STK32C: variants seen among roughly 807,000 people sequenced by gnomAD.
STK32C encodes serine/threonine-protein kinase 32C.
STK32C carries 31 observed loss-of-function variants against 56.5 expected under a neutral mutation model. The observed-to-expected ratio is 0.55, with a 90% confidence interval of 0.41 to 0.74. The LOEUF is 0.74. Among genes scored for constraint, STK32C ranks in the 30% least tolerant of loss-of-function variants. STK32C has a pLI of 0.00. For synonymous variants in STK32C, 309 were observed against 289.4 expected (o/e 1.07, Z -0.69); for missense variants, 544 against 676.9 (o/e 0.80, Z 2.18).
intron 2 of STK32C, among the ~76,000 whole-genome samples, chr10:132,244,057 C>T (rs1370772711): frequency 6.6e-6 from 1 of 152,214 alleles, no homozygotes; most frequent in African/African-American, 2.4e-5. Context: ...CTTCTCAGCC[C>T]TCATCCTTCC....
exon 1 of STK32C, chr10:132,331,646 G>C (rs951721544): frequency 1.2e-6 from 2 of 1,612,750 alleles, no homozygotes; most frequent in African/African-American, 2.7e-5. Context: ...CTCCAAAGGT[G>C]GTGCCTCAGC....
intron 1 of STK32C, among the ~76,000 whole-genome samples, chr10:132,256,842 G>T (rs117301277): frequency 0.029 from 4,359 of 152,300 alleles, 92 homozygotes; most frequent in Admixed American, 0.065. Context: ...TGGGGACCCC[G>T]GAGCTGCAAT....
intron 1 of STK32C, among the ~76,000 whole-genome samples, chr10:132,272,567 G>A (rs1011250849): frequency 2.0e-5 from 3 of 152,132 alleles, no homozygotes; most frequent in Non-Finnish European, 2.9e-5. Flanking sequence ...ACCCCAGCCC[G>A]TCTGTCGGGA....
intron 4 of STK32C, among the ~76,000 whole-genome samples, chr10:132,226,127 G>A (rs557053660): frequency 2.0e-4 from 31 of 152,314 alleles, no homozygotes; most frequent in African/African-American, 5.3e-4. Flanking sequence ...AAGCCACCTC[G>A]GCTCTTGCTT....
downstream of STK32C, among the ~76,000 whole-genome samples, chr10:132,319,698 T>A (rs2066368411): frequency 6.6e-6 from 1 of 152,196 alleles, no homozygotes; most frequent in Non-Finnish European, 1.5e-5. Context: ...GCTGTGGGAA[T>A]GCAGGGGCTG....
intron 1 of STK32C, among the ~76,000 whole-genome samples, chr10:132,257,233 G>T (rs2064154197): frequency 6.6e-6 from 1 of 152,138 alleles, no homozygotes; most frequent in Non-Finnish European, 1.5e-5. Context: ...GAGATGGGTA[G>T]GTGTGTGGGT....
chr10:132,268,392 CGTGT>C (rs1189768582), intron 1 of STK32C, among the ~76,000 whole-genome samples: 6 of 100,156 alleles, frequency 6.0e-5, no homozygotes, highest in African/African-American at 1.2e-4. Flanking sequence ...TGTCCCACAT[CGTGT>C]GTGTGTCAGT....
In STK32C at chr10:132,222,947, G is replaced by T. The variant is rs1465272685; in HGVS notation, c.1033C>A (p.Gln345Lys). The part of the protein sequence containing the change: ...VNPEHRLSSL[Q>K]DVQAAPALAG... ...AGCGCCGGGGCTGCCTGCACGTCCT[G>T]GAGGCTGGAGAGCCGGTGCTCGGGG... is the stretch of plus-strand genomic sequence containing the variant. Residue 345 changes from glutamine to lysine, a missense_variant, in exon 9 of 12, where the codon CAG (glutamine) becomes AAG (lysine). Around this residue, in one of 3 missense-constraint regions of STK32C, gnomAD observed 277 missense variants for 309.3 expected, o/e 0.90. Coordinates refer to ENST00000298630, the MANE Select transcript of STK32C (RefSeq NM_173575.4). The T allele has an allele frequency of 6.4e-7, 1 of 1,553,644 alleles. No homozygotes were observed. The highest frequency in any genetic ancestry group is 1.9e-5 in the Admixed American group (1 of 52,420).
At chr10:132,241,416 CAT>C (rs760400235) in intron 2 of STK32C, among the ~76,000 whole-genome samples, 2 of 152,318 alleles carry the variant, frequency 1.3e-5, no homozygotes. Flanking sequence ...AACAACATGA[CAT>C]AGAATAACCA....
At chr10:132,221,870 CTGCACACACAACTAATATCAA>C (rs2062676905) in intron 10 of STK32C, among the ~76,000 whole-genome samples, 2 of 117,886 alleles carry the variant, frequency 1.7e-5, no homozygotes, top group East Asian at 2.1e-4. Flanking sequence ...GTGGCCATCC[CTGCACACACAACTAATATCAA>C]CGCACCTGGG....
At chr10:132,227,051 A>C in intron 3 of STK32C, 83 bp from the exon 4 acceptor site, 2 of 1,485,224 alleles carry the variant, frequency 1.3e-6, no homozygotes, top group Non-Finnish European at 1.8e-6. Context: ...CACTCCCCCT[A>C]AGGACCACAG....
chr10:132,238,906 C>A (rs367816084), intron 2 of STK32C, among the ~76,000 whole-genome samples: 9 of 152,316 alleles, frequency 5.9e-5, no homozygotes, highest in Admixed American at 2.6e-4. Context: ...GGAGCGGGCA[C>A]GCTGGGTGGA....
intron 1 of STK32C, among the ~76,000 whole-genome samples, chr10:132,302,151 C>A (rs887506500): frequency 6.6e-5 from 10 of 152,180 alleles, no homozygotes; most frequent in Non-Finnish European, 1.5e-4. Flanking sequence ...TGTGACTTTG[C>A]CTCCCTCAGA....
intron 10 of STK32C, among the ~76,000 whole-genome samples, chr10:132,219,399 C>T (rs1445138646): frequency 6.6e-6 from 1 of 152,110 alleles, no homozygotes; most frequent in Non-Finnish European, 1.5e-5. Context: ...TTACCTGTTC[C>T]CAGCCAGAGC....
At chr10:132,270,724 G>A (rs1317789320) in intron 1 of STK32C, among the ~76,000 whole-genome samples, 1 of 152,208 alleles carries the variant, frequency 6.6e-6, no homozygotes, top group East Asian at 1.9e-4. Context: ...GTAACCAGCA[G>A]AGAACCCACA....
chr10:132,307,546 C>A lies in STK32C; in HGVS notation c.262+26G>T. 1.3e-6 allele frequency: 2 copies of A among 1,539,340 alleles called. No homozygotes were observed. ...CGCCCCTGCAATAGCGCGCGGCCCCCACGTCGTCCCCGTGCCCGCACTCAC... is the reference window on the plus strand; with the variant it reads ...CGCCCCTGCAATAGCGCGCGGCCCCAACGTCGTCCCCGTGCCCGCACTCAC... On this transcript the variant is annotated intron_variant, in intron 1 of 11. Transcript: ENST00000298630. The surrounding 1 kb of genome is among the most constrained non-coding windows in gnomAD (Gnocchi z 4.4).
At chr10:132,267,832 T>C (rs2064622588) in intron 1 of STK32C, among the ~76,000 whole-genome samples, 1 of 142,114 alleles carries the variant, frequency 7.0e-6, no homozygotes, top group African/African-American at 2.7e-5. Context: ...TGTGTGTCAG[T>C]GCGTGTGCAT....
At chr10:132,209,618 G>A (rs962539673) in intron 10 of STK32C, among the ~76,000 whole-genome samples, 3 of 150,246 alleles carry the variant, frequency 2.0e-5, no homozygotes, top group Admixed American at 6.6e-5. Flanking sequence ...TGATGGGCAG[G>A]CAGGACTACT....
intron 1 of STK32C, among the ~76,000 whole-genome samples, chr10:132,285,587 C>T (rs928491319): frequency 3.9e-5 from 6 of 152,190 alleles, no homozygotes; most frequent in African/African-American, 1.4e-4. Context: ...GGATATTTGA[C>T]CAATGTGCAG....
Sources: gnomAD v4.1 joint callset for allele counts (sites outside exome capture counted in the v4.1 genomes callset) on GRCh38, gnomAD v4.1.1 for gene constraint, gnomAD v4.1.1 regional missense constraint, Gnocchi (gnomAD v3.1) non-coding constraint, MANE v1.5 for transcripts, NCBI Gene and HGNC (gene_info 2026-07-23, HGNC 2026-07-21) for gene names.